The following ADAT1 variants were observed in gnomAD, a reference collection of about 807,000 sequenced individuals.
The protein encoded by ADAT1 is adenosine deaminase tRNA specific 1.
Under a neutral mutation model 58.6 loss-of-function variants are expected in ADAT1, and 58 were observed. That is an observed-to-expected ratio of 0.99 (90% CI 0.80 to 1.23). The LOEUF is 1.23. Among genes scored for constraint, ADAT1 ranks in the 50% most tolerant of loss-of-function variants. The pLI is 0.00. For synonymous variants in ADAT1, 254 were observed against 220.8 expected (o/e 1.15, Z -1.33); for missense variants, 741 against 608.6 (o/e 1.22, Z -2.29).
At chr16:75,619,718 T>C (rs1597142420) in intron 3 of ADAT1, 2 of 420,012 alleles carry the variant, frequency 4.8e-6, no homozygotes, top group Non-Finnish European at 9.6e-6. Flanking sequence ...CAAGACTAGC[T>C]TGGCCAGCAT....
In ADAT1 at chr16:75,598,439, A is replaced by G. The variant is rs1253013478; in HGVS notation, c.*1777T>C. ...TACTTCGTTAAGAAACAGCTCTAGG[A>G]AACTATTACAGGCACAAAATTTGTG... On this transcript the variant is annotated 3_prime_UTR_variant, in exon 10 of 10. Transcript: ENST00000564657. 6.2e-6 allele frequency: 1 copy of G among 160,642 alleles called. No individual in the cohort carries two copies. Among genetic ancestry groups the G allele is most frequent in the East Asian group, 1.9e-4 (1 of 5,212 alleles). 10.0% of individuals were successfully genotyped at this position (160,642 alleles called of 1,614,324 possible).
intron 8 of ADAT1, among the ~76,000 whole-genome samples, chr16:75,607,842 CCATTCATGAA>C (rs2081413321): frequency 6.6e-6 from 1 of 152,186 alleles, no homozygotes; most frequent in East Asian, 1.9e-4. Context: ...ACCCAAACGT[CCATTCATGAA>C]CGAATGGCAA....
At chr16:75,606,853 C>T (rs542902796) in intron 8 of ADAT1, among the ~76,000 whole-genome samples, 1 of 152,254 alleles carries the variant, frequency 6.6e-6, no homozygotes, top group South Asian at 2.1e-4. Context: ...AAATCTAATA[C>T]AAGATGTGAA....
chr16:75,598,843 T>C lies in ADAT1; in HGVS notation c.*1373A>G. 2.1e-6 allele frequency: 2 copies of C among 960,210 alleles called. No individual in the cohort carries two copies. Among genetic ancestry groups the C allele is most frequent in the Non-Finnish European group, 2.5e-6 (2 of 807,342 alleles). 59.5% of individuals were successfully genotyped at this position (960,210 alleles called of 1,614,324 possible). A position where few individuals can be genotyped will look rare whatever the true frequency, so the allele number is the denominator to read the frequency against. ...CTAAAAACTTTTAAAATGTATACTT[T>C]AGTTGGGTGAATTTTATGGTCTGTG... On this transcript the variant is annotated 3_prime_UTR_variant, in exon 10 of 10. Transcript: ENST00000564657.
rs2081143163 is a variant in ADAT1, at chr16:75,598,834, T to G, written c.*1382A>C. ...GTGCCCGGCCTAAAAACTTTTAAAA[T>G]GTATACTTTAGTTGGGTGAATTTTA... On this transcript the variant is annotated 3_prime_UTR_variant, in exon 10 of 10. Coordinates refer to ENST00000564657, the MANE Select transcript of ADAT1 (RefSeq NM_001324445.2). 1.1e-6 allele frequency: 1 copy of G among 950,312 alleles called. No individual in the cohort carries two copies. Among genetic ancestry groups the G allele is most frequent in the Non-Finnish European group, 1.3e-6 (1 of 798,408 alleles). The allele number at this position is 950,312 out of a possible 1,614,324, so 58.9% of individuals were successfully genotyped here. A position where few individuals can be genotyped will look rare whatever the true frequency, so the allele number is the denominator to read the frequency against.
Position 75,597,469 on chromosome 16 carries a change from C to T in ADAT1, c.*2747G>A, listed in dbSNP as rs112295104. On this transcript the variant is annotated 3_prime_UTR_variant, in exon 10 of 10. Coordinates refer to ENST00000564657, the MANE Select transcript of ADAT1 (RefSeq NM_001324445.2). The stretch of plus-strand genomic sequence containing the variant: ...AAAAGTCTTCCTTAGAGCAGCAGTC[C>T]CCAACCTTTTTGGCACCAGGGACTG... The T allele has an allele frequency of 0.02, 8,072 of 411,284 alleles. 120 individuals carry two copies. Among genetic ancestry groups the T allele is most frequent in the Non-Finnish European group, 0.031 (6,219 of 203,386 alleles). 25.5% of individuals were successfully genotyped at this position (411,284 alleles called of 1,614,324 possible).
intron 8 of ADAT1, among the ~76,000 whole-genome samples, chr16:75,606,967 C>G (rs2081388131): frequency 6.6e-6 from 1 of 152,138 alleles, no homozygotes; most frequent in African/African-American, 2.4e-5. Flanking sequence ...GTGGCTCACG[C>G]CTGTAATTCC....
At position 75,598,785 on chromosome 16, in the gene ADAT1, T is replaced by C. The variant is rs765492431; in HGVS notation, c.*1431A>G. 8 of 573,904 alleles carry C rather than the reference T, an allele frequency of 1.4e-5. No homozygotes were observed. The highest frequency in any genetic ancestry group is 1.8e-5 in the Non-Finnish European group (8 of 454,260). 35.6% of individuals were successfully genotyped at this position (573,904 alleles called of 1,614,324 possible). A position where few individuals can be genotyped will look rare whatever the true frequency, so the allele number is the denominator to read the frequency against. On this transcript the variant is annotated 3_prime_UTR_variant, in exon 10 of 10. Transcript: ENST00000564657. Reference sequence around the variant, plus strand: ...CTGCCTGCCTCAGCCTCCCAAAGTGTTGGAATTACAGGCGTAAGCCACCGT... The same window carrying C: ...CTGCCTGCCTCAGCCTCCCAAAGTGCTGGAATTACAGGCGTAAGCCACCGT...
Position 75,620,758 on chromosome 16 carries a change from G to A in ADAT1, c.42C>T (p.His14=). Residue 14 remains histidine, a synonymous_variant, in exon 2 of 10, where the codon CAC becomes CAT. Transcript: ENST00000564657. ...CCTTCTTGGGCAGCCTGATCCCATA[G>A]TGTTCATAGCATAGCTGAGCAATCT... ...ADEIAQLCYE[H]YGIRLPKKGK... 1.2e-6 allele frequency: 2 copies of A among 1,614,206 alleles called. No individual in the cohort carries two copies. Among genetic ancestry groups the A allele is most frequent in the African/African-American group, 1.3e-5 (1 of 75,058 alleles).
rs533811111 is a variant in ADAT1, at chr16:75,597,520, A to G, written c.*2696T>C. 21 of 354,938 alleles carry G rather than the reference A, an allele frequency of 5.9e-5. No individual in the cohort carries two copies. The highest frequency in any genetic ancestry group is 7.2e-4 in the Middle Eastern group (1 of 1,382). The allele number at this position is 354,938 out of a possible 1,614,324, so 22.0% of individuals were successfully genotyped here. A position where few individuals can be genotyped will look rare whatever the true frequency, so the allele number is the denominator to read the frequency against. On this transcript the variant is annotated 3_prime_UTR_variant, in exon 10 of 10. Transcript: ENST00000564657. ...GTTTCATGGAAGATAATTTTTCCAC[A>G]GATCCGGGGTGGGGATAGGGGGATA...
chr16:75,602,144 T>A (rs1240666340), intron 9 of ADAT1: 4 of 151,870 alleles, frequency 2.6e-5, no homozygotes, highest in Non-Finnish European at 4.4e-5. Context: ...GTGATATCAG[T>A]TTGAACTCTT....
chr16:75,601,106 C>T (rs372592373), intron 9 of ADAT1, among the ~76,000 whole-genome samples: 1 of 151,634 alleles, frequency 6.6e-6, no homozygotes, highest in East Asian at 2.0e-4. Context: ...TTTGGGAGGC[C>T]GAAGCAGGCG....
intron 4 of ADAT1, among the ~76,000 whole-genome samples, chr16:75,617,514 AC>A (rs751749316): frequency 1.4e-4 from 22 of 151,974 alleles, no homozygotes; most frequent in Non-Finnish European, 2.5e-4. Flanking sequence ...CATATCTGTA[AC>A]CCCAGCTACT....
At chr16:75,618,363 G>A (rs749768966) in intron 4 of ADAT1, among the ~76,000 whole-genome samples, 3 of 151,798 alleles carry the variant, frequency 2.0e-5, no homozygotes, top group Non-Finnish European at 4.4e-5. Context: ...AAAATTAGTT[G>A]AGCATGGTGG....
At chr16:75,604,456 A>AAAAAAAAATAT (rs1555508674) in intron 8 of ADAT1, among the ~76,000 whole-genome samples, 25 of 48,768 alleles carry the variant, frequency 5.1e-4, no homozygotes, top group African/African-American at 2.0e-3. Context: ...AAAAAAAAAA[A>AAAAAAAAATAT]ATATATATAT....
At chr16:75,618,508 CCAAAAA>C in intron 4 of ADAT1, 72 bp downstream of exon 4, 4 of 905,758 alleles carry the variant, frequency 4.4e-6, no homozygotes, top group South Asian at 2.0e-5. Context: ...TCTGTCCCCC[CCAAAAA>C]AAAAAAAAAA....
intron 3 of ADAT1, chr16:75,619,826 T>G (rs143721120): frequency 3.1e-6 from 1 of 322,802 alleles, no homozygotes. Flanking sequence ...GAAGGGGAGG[T>G]TGCAGAGCAG....
At chr16:75,618,662 A>AG in intron 3 of ADAT1, 22 bp from the exon 4 acceptor site, 1 of 1,612,518 alleles carries the variant, frequency 6.2e-7, no homozygotes, top group South Asian at 1.1e-5. Context: ...ATAGGACACC[A>AG]GGTGAAGACA....
rs369857709 is a variant in ADAT1, at chr16:75,598,268, G to A, written c.*1948C>T. 4.7e-5 allele frequency: 17 copies of A among 359,296 alleles called. No individual in the cohort carries two copies. Among genetic ancestry groups the A allele is most frequent in the African/African-American group, 3.1e-4 (14 of 44,890 alleles). 22.3% of individuals were successfully genotyped at this position (359,296 alleles called of 1,614,324 possible). ...ATTTTTGTATTTTTAGTAGAAAGGG[G>A]CTTCACCATGTTGGCCAGGATGGTC... On this transcript the variant is annotated 3_prime_UTR_variant, in exon 10 of 10. Transcript: ENST00000564657.
Sources: allele counts gnomAD v4.1 joint callset (sites outside exome capture counted in the v4.1 genomes callset), GRCh38; gene constraint gnomAD v4.1.1; transcripts MANE v1.5; gene names NCBI Gene and HGNC (gene_info 2026-07-23, HGNC 2026-07-21).